RASEF: variants seen among roughly 807,000 people sequenced by gnomAD.
RASEF encodes the protein RAS and EF-hand domain containing, also known as ras and EF-hand domain-containing protein.
In RASEF, 68 loss-of-function variants were observed where a neutral mutation model predicts 90.1. That is an observed-to-expected ratio of 0.75 (90% CI 0.62 to 0.92). RASEF has a LOEUF of 0.92. Among genes scored for constraint, RASEF ranks in the 40% least tolerant of loss-of-function variants. The pLI is 0.00. For synonymous variants in RASEF, 331 were observed against 345.2 expected, an observed-to-expected ratio of 0.96 and a Z score of 0.46; for missense variants, 949 against 937.2, an observed-to-expected ratio of 1.01 and a Z score of -0.16.
At chr9:83,150,929 C>CA in the RASEF span, among the ~76,000 whole-genome samples, 2 of 152,074 alleles carry the variant, frequency 1.3e-5, no homozygotes, top group African/African-American at 4.8e-5. Context: ...TGTATATATC[C>CA]AAATTCACAC....
chr9:83,053,678 G>C (rs1042950985), intron 1 of RASEF, among the ~76,000 whole-genome samples: 49 of 145,206 alleles, frequency 3.4e-4, no homozygotes, highest in Non-Finnish European at 4.7e-4. Context: ...TGCAGCGGCT[G>C]GTACCGGTTG....
upstream of RASEF, among the ~76,000 whole-genome samples, chr9:83,065,309 G>A (rs923269899): frequency 5.3e-5 from 8 of 152,128 alleles, no homozygotes; most frequent in Admixed American, 6.5e-5. Context: ...GCTTGCCTGG[G>A]ATCTCTCAGG....
At chr9:83,159,826 T>A in the RASEF span, among the ~76,000 whole-genome samples, 1 of 152,170 alleles carries the variant, frequency 6.6e-6, no homozygotes, top group Admixed American at 6.5e-5. Flanking sequence ...CTCGTTCCCA[T>A]GTATTGTGGG....
the RASEF span, among the ~76,000 whole-genome samples, chr9:83,149,528 C>T: frequency 6.6e-6 from 1 of 152,100 alleles, no homozygotes; most frequent in Non-Finnish European, 1.5e-5. Context: ...GGCAGGAAGG[C>T]ATGGCTTAGA....
At chr9:83,062,012 T>C (rs1830209972) in intron 1 of RASEF, among the ~76,000 whole-genome samples, 1 of 152,062 alleles carries the variant, frequency 6.6e-6, no homozygotes, top group African/African-American at 2.4e-5. Flanking sequence ...AAACGACAAA[T>C]CAGAAAACTA....
At chr9:82,988,737 G>A (rs532104023) in intron 16 of RASEF, among the ~76,000 whole-genome samples, 11 of 152,126 alleles carry the variant, frequency 7.2e-5, no homozygotes, top group Admixed American at 5.2e-4. Flanking sequence ...AGGAGTAAAC[G>A]CTCCCTGAGA....
At position 83,009,645 on chromosome 9, in the gene RASEF, C is replaced by G. The variant is rs1262236343; in HGVS notation, c.955G>C (p.Glu319Gln). Residue 319 changes from glutamate to glutamine, a missense_variant, in exon 6 of 17, where the codon GAA (glutamate) becomes CAA (glutamine). Transcript: ENST00000376447. ...SDYADQSLNT[E>Q]RDLEIIRAYT... Reference sequence around the variant, plus strand: ...AATAAAATGCAAAGTTCATACCTTTCAGTATTCAGACTCTGATCAGCATAA... The same window carrying G: ...AATAAAATGCAAAGTTCATACCTTTGAGTATTCAGACTCTGATCAGCATAA... 1 of 1,573,970 alleles carries G rather than the reference C, an allele frequency of 6.4e-7. No homozygotes were observed.
the RASEF span, among the ~76,000 whole-genome samples, chr9:83,096,323 T>A: frequency 2.1e-4 from 32 of 152,240 alleles, no homozygotes; most frequent in South Asian, 5.6e-3. Context: ...AGTTTTATGA[T>A]CCTAACAGTG....
rs10687615 is a variant in RASEF at position 83,049,529 on chromosome 9, C to CTTTTTTT, written c.431+12901_431+12907dup. On this transcript the variant is annotated intron_variant, in intron 1 of 16. Coordinates refer to ENST00000376447, the MANE Select transcript of RASEF (RefSeq NM_152573.4). ...ATGCACAGCCCACCTTTCTGCCTTCCTTTTTTTTTTTTTTTTTTTTTTTAT... is the reference window on the plus strand; with the variant it reads ...ATGCACAGCCCACCTTTCTGCCTTCCTTTTTTTTTTTTTTTTTTTTTTTTTTTTTTAT... Among the ~76,000 whole-genome samples the CTTTTTTT allele has an allele frequency of 5.2e-3, 514 of 98,990 alleles. 2 individuals are homozygous for CTTTTTTT. Among genetic ancestry groups the CTTTTTTT allele is most frequent in the East Asian group, 0.01 (32 of 3,120 alleles). 64.9% of individuals were successfully genotyped at this position (98,990 alleles called of 152,430 possible). A position where few individuals can be genotyped will look rare whatever the true frequency, so the allele number is the denominator to read the frequency against.
At chr9:83,215,466 T>A in the RASEF span, among the ~76,000 whole-genome samples, 4 of 152,176 alleles carry the variant, frequency 2.6e-5, no homozygotes, top group East Asian at 7.7e-4. Context: ...GGCTGGAGCC[T>A]ATAGTGCTCC....
chr9:83,013,436 A>C (rs1587495080), intron 4 of RASEF, among the ~76,000 whole-genome samples: 1 of 152,238 alleles, frequency 6.6e-6, no homozygotes, highest in Non-Finnish European at 1.5e-5. Flanking sequence ...GCTGACTCTG[A>C]CTGAGAAAAG....
chr9:83,145,328 G>C, the RASEF span, among the ~76,000 whole-genome samples: 2 of 152,030 alleles, frequency 1.3e-5, no homozygotes, highest in South Asian at 2.1e-4. Flanking sequence ...CCCCCATCCA[G>C]GGTTACTATA....
chr9:83,005,898 C>A (rs1829122095), intron 7 of RASEF, among the ~76,000 whole-genome samples: 1 of 152,234 alleles, frequency 6.6e-6, no homozygotes, highest in Admixed American at 6.5e-5. Flanking sequence ...GCTTCATGCT[C>A]CTGGCAGCTC....
chr9:83,164,347 G>GTGTGTGTGTATATATATATA, the RASEF span, among the ~76,000 whole-genome samples: 1 of 129,976 alleles, frequency 7.7e-6, no homozygotes, highest in African/African-American at 2.8e-5. Flanking sequence ...GTATATGTGT[G>GTGTGTGTGTATATATATATA]TATATATATA....
At chr9:83,029,332 C>T (rs141138143) in intron 1 of RASEF, among the ~76,000 whole-genome samples, 2 of 151,814 alleles carry the variant, frequency 1.3e-5, no homozygotes, top group Non-Finnish European at 2.9e-5. Flanking sequence ...AACTCTGAAG[C>T]TTAGTTAAGC....
the RASEF span, among the ~76,000 whole-genome samples, chr9:83,144,391 G>GAAAGAAAGAAAGGAAAGAAA: frequency 1.5e-4 from 5 of 33,232 alleles, no homozygotes; most frequent in Non-Finnish European, 3.0e-4. Context: ...AAGAAAGAAA[G>GAAAGAAAGAAAGGAAAGAAA]GAAAGAAAGA....
chr9:82,983,155 A>ACACACACC (rs1554704230), intron 16 of RASEF, among the ~76,000 whole-genome samples: 2 of 122,820 alleles, frequency 1.6e-5, no homozygotes, highest in South Asian at 5.4e-4. Flanking sequence ...ACACACACAC[A>ACACACACC]CCCTTCTCCC....
In RASEF at chr9:83,009,755, T is replaced by A. The variant is rs370974463; in HGVS notation, c.845A>T (p.Glu282Val). The A allele has an allele frequency of 1.2e-6, 2 of 1,601,282 alleles. No individual in the cohort carries two copies. The highest frequency in any genetic ancestry group is 1.7e-6 in the Non-Finnish European group (2 of 1,168,678). The stretch of plus-strand genomic sequence containing the variant: ...AAGGTCTTTCTTAACTTTCTGGTTT[T>A]CCTGGATAAAATGAAAAGTGGGGGT... The part of the protein sequence containing the change: ...LKKQIYDLSM[E>V]NQKVKKDLLE... Residue 282 changes from glutamate (E) to valine (V), a missense_variant and splice_region_variant, in exon 6 of 17, where the codon GAA (glutamate) becomes GTA (valine). Physicochemically the swap from Glu to Val is moderately radical, Grantham distance 121 (BLOSUM62 -2). Transcript: ENST00000376447.
At chr9:83,134,493 T>G in the RASEF span, among the ~76,000 whole-genome samples, 2 of 151,372 alleles carry the variant, frequency 1.3e-5, no homozygotes, top group Non-Finnish European at 2.9e-5. Context: ...TCAGTTTAAA[T>G]ACAAAGTTGG....
Sources: allele counts gnomAD v4.1 joint callset (sites outside exome capture counted in the v4.1 genomes callset), GRCh38; gene constraint gnomAD v4.1.1; transcripts MANE v1.5; gene names NCBI Gene and HGNC (gene_info 2026-07-23, HGNC 2026-07-21).